Variants in DHX8 observed in about 807,000 individuals in gnomAD.
DHX8 encodes ATP-dependent RNA helicase DHX8.
In DHX8, 67 loss-of-function variants were observed where a neutral mutation model predicts 140.7. The observed-to-expected ratio is 0.48, with a 90% confidence interval of 0.39 to 0.58. The LOEUF is 0.58. Ranked by LOEUF, DHX8 falls within the 20% of genes least tolerant of loss-of-function variation. The pLI is 0.00. For missense variants in DHX8, 887 were observed against 1,550.7 expected, an observed-to-expected ratio of 0.57 and a Z score of 7.19; for synonymous variants, 533 against 553.2, an observed-to-expected ratio of 0.96 and a Z score of 0.51.
chr17:43,507,764 CT>C (rs1567688612), intron 14 of DHX8, 44 bp from the exon 15 acceptor site: 1 of 1,612,700 alleles, frequency 6.2e-7, no homozygotes, highest in South Asian at 1.1e-5. Flanking sequence ...GTACCTGTGT[CT>C]TTGGGTAGTC....
chr17:43,500,212 C>T (rs769113938), intron 11 of DHX8, 109 bp downstream of exon 11: 30 of 1,281,780 alleles, frequency 2.3e-5, no homozygotes, highest in Non-Finnish European at 2.9e-5. Flanking sequence ...TGGGCCGGGG[C>T]GGTGGCTCAT....
rs990459196 is a variant in DHX8, at chr17:43,519,810, G to A, written c.2800-320G>A. On this transcript the variant is annotated intron_variant, in intron 18 of 22. Coordinates refer to ENST00000262415, the MANE Select transcript of DHX8 (RefSeq NM_004941.3). ...ACAAAAATTAGCTGGGCATGATGGC[G>A]GGTGCCTATAATCCCAGCTACTTGG... 1.9e-5 allele frequency: 4 copies of A among 208,632 alleles called. No homozygotes were observed. In the South Asian group the frequency reaches 2.4e-4, roughly 12 times the overall value. 12.9% of individuals were successfully genotyped at this position (208,632 alleles called of 1,614,324 possible).
Position 43,507,067 on chromosome 17 carries a change from T to C in DHX8, c.1793T>C (p.Ile598Thr). Residue 598 changes from isoleucine (I) to threonine (T), a missense_variant, in exon 13 of 23, where the codon ATC becomes ACC. Physicochemically the swap from Ile to Thr is moderately conservative, Grantham distance 89. Transcript: ENST00000262415. ...GETGSGKTTQ[I>T]TQYLAEAGYT... ...ACAGGATCTGGAAAGACAACACAGA[T>C]CACCCAGTACCTGGCGGAGGCAGGC... is the stretch of plus-strand genomic sequence containing the variant. The C allele has an allele frequency of 6.2e-7, 1 of 1,613,984 alleles. No homozygotes were observed. Among genetic ancestry groups the C allele is most frequent in the Non-Finnish European group, 8.5e-7 (1 of 1,179,988 alleles).
At chr17:43,522,342 G>A in intron 22 of DHX8, 116 bp downstream of exon 22, 1 of 1,030,992 alleles carries the variant, frequency 9.7e-7, no homozygotes, top group African/African-American at 1.6e-5. Flanking sequence ...GTATAACACT[G>A]CTTGCCTTTC....
At chr17:43,506,544 G>A (rs972746100) in intron 12 of DHX8, among the ~76,000 whole-genome samples, 10 of 151,546 alleles carry the variant, frequency 6.6e-5, no homozygotes, top group Admixed American at 2.6e-4. Flanking sequence ...ACTTGAATCC[G>A]GAAGGTGGAG....
At chr17:43,541,971 A>C (rs80339268) in intron 3 of DHX8, among the ~76,000 whole-genome samples, 2,369 of 152,282 alleles carry the variant, frequency 0.016, 62 homozygotes, top group African/African-American at 0.053. Context: ...TCAGGGATGC[A>C]CACACCCTAA....
At chr17:43,536,409 C>A in intron 2 of DHX8, 1 of 1,612,660 alleles carries the variant, frequency 6.2e-7, no homozygotes. Flanking sequence ...ACCCTCTCCC[C>A]AGGGACCTCT....
At position 43,492,383 on chromosome 17, in the gene DHX8, A is replaced by T. The variant is rs1422778032; in HGVS notation, c.503+91A>T. The T allele has an allele frequency of 4.3e-6, 4 of 940,838 alleles. No homozygotes were observed. The Admixed American group carries it at 8.2e-5, about 19-fold the overall frequency. The allele number at this position is 940,838 out of a possible 1,614,324, so 58.3% of individuals were successfully genotyped here. On this transcript the variant is annotated intron_variant, in intron 5 of 22. Transcript: ENST00000262415. ...GCCAAGCAAAATTTTGGGCAAGTTTACAGAATCTGGACTGGTCATATATCA... is the reference window on the plus strand; with the variant it reads ...GCCAAGCAAAATTTTGGGCAAGTTTTCAGAATCTGGACTGGTCATATATCA...
At position 43,535,850 on chromosome 17, in the gene DHX8, C is replaced by T. The variant is rs765774688; in HGVS notation, c.351-562C>T. 4.9e-4 allele frequency among the ~76,000 whole-genome samples: 75 copies of T among 152,318 alleles called. 1 individual carries two copies. Among genetic ancestry groups the T allele is most frequent in the Non-Finnish European group, 9.1e-4 (62 of 68,036 alleles). On this transcript the variant is annotated intron_variant, in intron 2 of 3. Coordinates refer to the DHX8 transcript ENST00000589898. ...ACTGGGGGCGGGCGCACTGGGCTCA[C>T]GCCTGTAGTCCCAACACTATGGGAG...
chr17:43,505,369 G>A (rs1201017444), intron 12 of DHX8, among the ~76,000 whole-genome samples: 3 of 151,766 alleles, frequency 2.0e-5, no homozygotes, highest in East Asian at 1.9e-4. Flanking sequence ...AGATCACGCC[G>A]CTGCACTCCA....
In DHX8 at chr17:43,525,476, TTCTG is replaced by T; in HGVS notation, c.*1634_*1637del. Reference sequence around the variant, plus strand: ...CTTCATTAAGCTGAGTGCCTCCTGATTCTGTCTGAGTATTCGCCTTTGTAAGCCC... The same window carrying T: ...CTTCATTAAGCTGAGTGCCTCCTGATTCTGAGTATTCGCCTTTGTAAGCCC... On this transcript the variant is annotated 3_prime_UTR_variant, in exon 23 of 23. Transcript: ENST00000262415. 3 of 985,430 alleles carry T rather than the reference TTCTG, an allele frequency of 3.0e-6. No homozygotes were observed. The highest frequency in any genetic ancestry group is 3.6e-6 in the Non-Finnish European group (3 of 829,938). The allele number at this position is 985,430 out of a possible 1,614,324, so 61.0% of individuals were successfully genotyped here. A position where few individuals can be genotyped will look rare whatever the true frequency, so the allele number is the denominator to read the frequency against.
intron 4 of DHX8, 30 bp from the exon 5 acceptor site, chr17:43,492,153 T>C (rs772935814): frequency 6.4e-6 from 10 of 1,555,396 alleles, no homozygotes; most frequent in Non-Finnish European, 8.9e-6. Flanking sequence ...TAGTTTTTTT[T>C]CCTAACTTTG....
At chr17:43,529,207 GTTC>G, downstream of DHX8, 1 of 1,614,022 alleles carries the variant, frequency 6.2e-7, no homozygotes, top group Non-Finnish European at 8.5e-7. Context: ...TGGCTGGCCG[GTTC>G]TTCTGGATGC....
At chr17:43,512,436 A>G (rs1220182162) in intron 16 of DHX8, among the ~76,000 whole-genome samples, 4 of 151,866 alleles carry the variant, frequency 2.6e-5, no homozygotes, top group Non-Finnish European at 4.4e-5. Context: ...AAAGAGTTAA[A>G]ATGGACAAGA....
chr17:43,528,115 C>A (rs578258023), downstream of DHX8: 159 of 239,038 alleles, frequency 6.7e-4, no homozygotes, highest in African/African-American at 3.4e-3. Context: ...TGTCTCCCCG[C>A]AGTGGGAGAT....
At chr17:43,531,553 A>C (rs1970937011), downstream of DHX8, among the ~76,000 whole-genome samples, 1 of 152,134 alleles carries the variant, frequency 6.6e-6, no homozygotes, top group Non-Finnish European at 1.5e-5. Flanking sequence ...AAAATACAAA[A>C]ACTAGCTGGG....
At chr17:43,486,525 A>AT (rs1968157207) in intron 1 of DHX8, among the ~76,000 whole-genome samples, 1 of 152,026 alleles carries the variant, frequency 6.6e-6, no homozygotes, top group African/African-American at 2.4e-5. Flanking sequence ...CTATAAATTA[A>AT]TTTTTTATAA....
chr17:43,532,263 G>A (rs1970981370), intron 2 of DHX8, among the ~76,000 whole-genome samples: 1 of 152,188 alleles, frequency 6.6e-6, no homozygotes, highest in Non-Finnish European at 1.5e-5. Context: ...ACTTTGGGAG[G>A]CCGAGGCGAT....
In DHX8 at chr17:43,504,735, C is replaced by G. The variant is rs760107869; in HGVS notation, c.1638C>G (p.Asn546Lys). The change falls in exon 12 of 23, where the codon AAC becomes AAG. Residue 546 changes from asparagine (N) to lysine (K), a missense_variant. By Grantham distance (94) the Asn-to-Lys change is moderately conservative (BLOSUM62 0). Transcript: ENST00000262415. Reference protein sequence around the residue: ...PEWKKHAFGGNKASYGKKTQM... With the variant: ...PEWKKHAFGGKKASYGKKTQM... ...GGAAGAAGCATGCCTTTGGGGGCAA[C>G]AAAGCCTCTTACGGAAAAAAGACCC... The G allele has an allele frequency of 1.2e-6, 2 of 1,613,936 alleles. No individual in the cohort carries two copies. The highest frequency in any genetic ancestry group is 1.7e-5 in the Admixed American group (1 of 59,984).
Sources: gnomAD v4.1 joint callset for allele counts (sites outside exome capture counted in the v4.1 genomes callset) on GRCh38, gnomAD v4.1.1 for gene constraint, MANE v1.5 for transcripts, NCBI Gene and HGNC (gene_info 2026-07-23, HGNC 2026-07-21) for gene names.